The following RBMS3 variants were observed in gnomAD, a reference collection of about 807,000 sequenced individuals.
RBMS3 encodes RNA-binding motif, single-stranded-interacting protein 3.
Under a neutral mutation model 66.8 loss-of-function variants are expected in RBMS3, and 27 were observed. The ratio of observed to expected loss-of-function variants is 0.40; its 90% confidence interval spans 0.30 to 0.56. The LOEUF is 0.56. Among genes scored for constraint, RBMS3 ranks in the 20% least tolerant of loss-of-function variants. RBMS3 has a pLI of 0.40. For synonymous variants in RBMS3, 188 were observed against 183.0 expected, an observed-to-expected ratio of 1.03 and a Z score of -0.22; for missense variants, 513 against 549.5, an observed-to-expected ratio of 0.93 and a Z score of 0.66.
At chr3:29,421,001 T>A (rs917057767) in intron 1 of RBMS3, among the ~76,000 whole-genome samples, 5 of 119,646 alleles carry the variant, frequency 4.2e-5, no homozygotes, top group Non-Finnish European at 9.4e-5. Flanking sequence ...TAGTCCCAAC[T>A]ACTCGAGAGG....
chr3:29,816,526 C>A (rs888328799), intron 6 of RBMS3, among the ~76,000 whole-genome samples: 1 of 152,028 alleles, frequency 6.6e-6, no homozygotes, highest in South Asian at 2.1e-4. Flanking sequence ...TGTTAATTGG[C>A]ACAACCTCTA....
chr3:29,481,098 T>A (rs1359078771), intron 2 of RBMS3, among the ~76,000 whole-genome samples: 4 of 152,156 alleles, frequency 2.6e-5, no homozygotes, highest in African/African-American at 7.2e-5. Context: ...GTGTCCTCAT[T>A]TGTAAAATGT....
chr3:29,942,144 C>T (rs576553723), intron 11 of RBMS3, among the ~76,000 whole-genome samples: 3 of 151,874 alleles, frequency 2.0e-5, no homozygotes, highest in African/African-American at 7.2e-5. Context: ...CATAATCCAT[C>T]CATAAACCAG....
At position 29,887,560 on chromosome 3, in the gene RBMS3, G is replaced by A. The variant is rs140981026; in HGVS notation, c.791+3352G>A. ...TACATTTCCTGAGGCCTCCCCAACC[G>A]TGCTGAACTGTGAGTCAATTAAACC... is the stretch of plus-strand genomic sequence containing the variant. On this transcript the variant is annotated intron_variant, in intron 8 of 14. Coordinates refer to ENST00000383767, the MANE Select transcript of RBMS3 (RefSeq NM_001003793.3). Among the ~76,000 whole-genome samples the A allele has an allele frequency of 6.1e-4, 92 of 151,750 alleles. 6 individuals carry two copies. The highest frequency in any genetic ancestry group is 6.8e-3 in the Middle Eastern group (2 of 294).
At chr3:29,575,277 G>A (rs2149073899) in intron 3 of RBMS3, among the ~76,000 whole-genome samples, 1 of 151,314 alleles carries the variant, frequency 6.6e-6, no homozygotes, top group South Asian at 2.1e-4. Context: ...CTATTCAAGG[G>A]TAAAAGTTTT....
intron 4 of RBMS3, among the ~76,000 whole-genome samples, chr3:29,703,558 A>G (rs1036263327): frequency 2.6e-5 from 4 of 152,206 alleles, no homozygotes; most frequent in Non-Finnish European, 4.4e-5. Context: ...GAGTATTTGT[A>G]CAAGTAGTAG....
At chr3:29,723,479 A>G (rs1038651328) in intron 4 of RBMS3, among the ~76,000 whole-genome samples, 1 of 152,220 alleles carries the variant, frequency 6.6e-6, no homozygotes, top group African/African-American at 2.4e-5. Context: ...TAACTTTATC[A>G]TATGTGTTAA....
At chr3:29,458,858 G>T (rs923194880) in intron 2 of RBMS3, among the ~76,000 whole-genome samples, 1 of 152,196 alleles carries the variant, frequency 6.6e-6, no homozygotes, top group Non-Finnish European at 1.5e-5. Context: ...CACACTGTCA[G>T]CTAAGCATAT....
chr3:29,966,776 C>A (rs1191067088), intron 12 of RBMS3, among the ~76,000 whole-genome samples: 1 of 152,146 alleles, frequency 6.6e-6, no homozygotes, highest in Non-Finnish European at 1.5e-5. Context: ...TTCCAGTTCT[C>A]AGAGGGAATG....
chr3:29,302,621 C>T (rs546770634), intron 1 of RBMS3, among the ~76,000 whole-genome samples: 1 of 152,078 alleles, frequency 6.6e-6, no homozygotes, highest in South Asian at 2.1e-4. Context: ...AAATATCTAA[C>T]TTAATCAGTA....
At chr3:29,607,950 G>T (rs553964017) in intron 4 of RBMS3, among the ~76,000 whole-genome samples, 53 of 151,884 alleles carry the variant, frequency 3.5e-4, no homozygotes, top group South Asian at 1.9e-3. Context: ...CTTTACTATA[G>T]AATTTATGAA....
At chr3:29,561,089 CAT>C (rs2046533703) in intron 3 of RBMS3, among the ~76,000 whole-genome samples, 1 of 144,900 alleles carries the variant, frequency 6.9e-6, no homozygotes, top group Non-Finnish European at 1.5e-5. Flanking sequence ...TTTATGGCTA[CAT>C]AGTATTCCAT....
intron 4 of RBMS3, among the ~76,000 whole-genome samples, chr3:29,590,052 T>C (rs1444327894): frequency 2.0e-5 from 3 of 151,864 alleles, no homozygotes; most frequent in Non-Finnish European, 1.5e-5. Context: ...TGAACATTTT[T>C]CTGTATACTT....
intron 8 of RBMS3, among the ~76,000 whole-genome samples, chr3:29,887,740 C>CA (rs1054064958): frequency 2.0e-5 from 3 of 151,312 alleles, no homozygotes; most frequent in East Asian, 1.9e-4. Context: ...CTCATTAAGA[C>CA]AAAAAAAGAT....
chr3:29,784,506 C>T (rs2056751997), intron 6 of RBMS3, among the ~76,000 whole-genome samples: 1 of 151,838 alleles, frequency 6.6e-6, no homozygotes, highest in South Asian at 2.1e-4. Flanking sequence ...GTAACACAAC[C>T]TATCAAAACC....
At chr3:29,369,230 G>T (rs2038062592) in intron 1 of RBMS3, among the ~76,000 whole-genome samples, 1 of 151,938 alleles carries the variant, frequency 6.6e-6, no homozygotes, top group South Asian at 2.1e-4. Flanking sequence ...TAACACCTGG[G>T]TGATGAAATA....
At chr3:29,350,114 C>G (rs1479530929) in intron 1 of RBMS3, among the ~76,000 whole-genome samples, 1 of 150,098 alleles carries the variant, frequency 6.7e-6, no homozygotes, top group East Asian at 2.0e-4. Context: ...GAACCGAGGT[C>G]TCACCATTGC....
chr3:29,609,576 T>G (rs1436286568), intron 4 of RBMS3, among the ~76,000 whole-genome samples: 4 of 151,936 alleles, frequency 2.6e-5, no homozygotes, highest in African/African-American at 9.7e-5. Flanking sequence ...ATAATACTAG[T>G]GCCTATCAGT....
chr3:29,318,168 T>C (rs1468493257), intron 1 of RBMS3, among the ~76,000 whole-genome samples: 1 of 151,892 alleles, frequency 6.6e-6, no homozygotes, highest in African/African-American at 2.4e-5. Context: ...ATTTGTAACA[T>C]TCATAATATT....
Sources: gnomAD v4.1 joint callset for allele counts (sites outside exome capture counted in the v4.1 genomes callset) on GRCh38, gnomAD v4.1.1 for gene constraint, MANE v1.5 for transcripts, NCBI Gene and HGNC (gene_info 2026-07-23, HGNC 2026-07-21) for gene names.